PBX1: variants seen among roughly 807,000 people sequenced by gnomAD.
PBX1 encodes the protein pre-B-cell leukemia transcription factor 1.
A neutral mutation model predicts 53.4 loss-of-function variants in PBX1; 6 were observed. That is an observed-to-expected ratio of 0.11 (90% CI 0.06 to 0.22). PBX1 has a LOEUF of 0.22. Ranked by LOEUF, PBX1 falls within the 10% of genes least tolerant of loss-of-function variation. The pLI, the probability that PBX1 is intolerant of heterozygous loss-of-function variation, is 1.00. For missense variants in PBX1, 251 were observed against 551.4 expected (o/e 0.46, Z 5.46); for synonymous variants, 204 against 212.3 (o/e 0.96, Z 0.34).
In PBX1 at chr1:164,851,125, G is replaced by A. The variant is rs548221987; in HGVS notation, c.*4449G>A. ...TAAGAGGTTACGTTTACTTCACAGA[G>A]TACACCTCTTAGTAACCTCTGACTT... On this transcript the variant is annotated 3_prime_UTR_variant, in exon 9 of 9. Transcript: ENST00000420696. The A allele has an allele frequency of 5.6e-4, 123 of 220,818 alleles. No individual in the cohort carries two copies. The highest frequency in any genetic ancestry group is 9.9e-4 in the Non-Finnish European group (109 of 110,304). 13.7% of individuals were successfully genotyped at this position (220,818 alleles called of 1,614,324 possible).
chr1:164,596,819 A>T (rs565693145), intron 2 of PBX1, among the ~76,000 whole-genome samples: 1 of 152,078 alleles, frequency 6.6e-6, no homozygotes, highest in South Asian at 2.1e-4. Context: ...TTTTGTTTCC[A>T]CACTCATCTC....
chr1:164,869,969 G>A (rs759880522), intron 2 of PBX1, among the ~76,000 whole-genome samples: 255 of 152,158 alleles, frequency 1.7e-3, no homozygotes, highest in Non-Finnish European at 2.9e-3. Flanking sequence ...AGAGAGAACA[G>A]GAGGGAGAAC....
chr1:164,833,028 A>G (rs947962076), intron 8 of PBX1, among the ~76,000 whole-genome samples: 3 of 152,182 alleles, frequency 2.0e-5, no homozygotes, highest in African/African-American at 7.2e-5. Context: ...TAATAACTGT[A>G]TTAATAGCTA....
intron 2 of PBX1, among the ~76,000 whole-genome samples, chr1:164,730,245 G>T (rs1331808449): frequency 6.6e-6 from 1 of 152,162 alleles, no homozygotes; most frequent in African/African-American, 2.4e-5. Context: ...AGAGTTGGTG[G>T]CATTGTTGGG....
rs748103057 is a variant in PBX1, at chr1:164,792,754, T to A, written c.510+16T>A. 6.3e-7 allele frequency: 1 copy of A among 1,575,670 alleles called. No individual in the cohort carries two copies. Among genetic ancestry groups the A allele is most frequent in the Admixed American group, 1.7e-5 (1 of 57,534 alleles). On this transcript the variant is annotated intron_variant, in intron 3 of 8. Transcript: ENST00000420696. Reference sequence around the variant, plus strand: ...ATACGAGCAGGTAACCAGAACCACCTGGGGCTCGGCACCCAGGCCCTTTAG... The same window carrying A: ...ATACGAGCAGGTAACCAGAACCACCAGGGGCTCGGCACCCAGGCCCTTTAG...
At chr1:164,610,071 C>G (rs957094953) in intron 2 of PBX1, among the ~76,000 whole-genome samples, 2 of 152,162 alleles carry the variant, frequency 1.3e-5, no homozygotes, top group Admixed American at 1.3e-4. Flanking sequence ...ACCTTCCATG[C>G]CTGCGCGTCT....
intron 2 of PBX1, among the ~76,000 whole-genome samples, chr1:164,635,364 GCAGT>G (rs1163282089): frequency 6.6e-6 from 1 of 152,140 alleles, no homozygotes; most frequent in Non-Finnish European, 1.5e-5. Flanking sequence ...AACCACCAAA[GCAGT>G]CAAATGCAAA....
intron 2 of PBX1, among the ~76,000 whole-genome samples, chr1:164,571,437 A>C (rs1237784822): frequency 6.6e-6 from 1 of 152,156 alleles, no homozygotes. Context: ...AAATTGAATC[A>C]TAAAATATTT....
intron 2 of PBX1, among the ~76,000 whole-genome samples, chr1:164,611,460 G>A (rs1036037532): frequency 1.5e-4 from 23 of 152,002 alleles, no homozygotes; most frequent in African/African-American, 4.8e-4. Flanking sequence ...GGATGGTCTC[G>A]ATCTCCTGAC....
intron 2 of PBX1, among the ~76,000 whole-genome samples, chr1:164,755,843 T>A (rs1666484926): frequency 6.6e-6 from 1 of 151,912 alleles, no homozygotes; most frequent in Non-Finnish European, 1.5e-5. Context: ...CAGGGCGCCA[T>A]GTAACTCCCT....
chr1:164,858,906 CTTTT>C (rs1299616887), intron 2 of PBX1, among the ~76,000 whole-genome samples: 1 of 152,126 alleles, frequency 6.6e-6, no homozygotes, highest in South Asian at 2.1e-4. Context: ...TCTCCTAGTG[CTTTT>C]TTTCTAGGCT....
intron 2 of PBX1, among the ~76,000 whole-genome samples, chr1:164,715,469 T>A (rs1427110245): frequency 6.6e-6 from 1 of 152,196 alleles, no homozygotes; most frequent in African/African-American, 2.4e-5. Context: ...GGTGTATTCT[T>A]AGCTGCCCAA....
At chr1:164,852,086 C>CTACT (rs1294121432), downstream of PBX1, among the ~76,000 whole-genome samples, 1 of 152,158 alleles carries the variant, frequency 6.6e-6, no homozygotes, top group African/African-American at 2.4e-5. Context: ...TGTCTGCTTG[C>CTACT]TACTGGCAGC....
chr1:164,868,147 G>A (rs753767821), intron 2 of PBX1, among the ~76,000 whole-genome samples: 2 of 152,170 alleles, frequency 1.3e-5, no homozygotes, highest in East Asian at 1.9e-4. Context: ...ATTTCCATCC[G>A]TGCACAATAC....
chr1:164,639,081 C>T (rs1658963648), intron 2 of PBX1, among the ~76,000 whole-genome samples: 1 of 152,178 alleles, frequency 6.6e-6, no homozygotes, highest in Non-Finnish European at 1.5e-5. Flanking sequence ...TTTATGCAAG[C>T]TCTTGTTCAT....
intron 2 of PBX1, among the ~76,000 whole-genome samples, chr1:164,768,865 G>A (rs769908389): frequency 2.5e-4 from 38 of 152,156 alleles, no homozygotes; most frequent in Non-Finnish European, 5.3e-4. Flanking sequence ...CCCAGCCTGG[G>A]CGATATGGTG....
rs989859601 is a variant in PBX1, at chr1:164,671,681, T to A, written c.265+108370T>A. Among the ~76,000 whole-genome samples, 5 of 151,968 alleles carry A rather than the reference T, an allele frequency of 3.3e-5. No homozygotes were observed. In the South Asian group the frequency reaches 1.0e-3, roughly 32 times the overall value. On this transcript the variant is annotated intron_variant, in intron 2 of 8. Coordinates refer to ENST00000420696, the MANE Select transcript of PBX1 (RefSeq NM_002585.4). ...CTGGGAACATGTGTGTAAGGCTGAT[T>A]TTTTCTGGGGGGCAGGGAGTGGTAA...
chr1:164,722,477 C>T (rs1003480445), intron 2 of PBX1, among the ~76,000 whole-genome samples: 1 of 152,118 alleles, frequency 6.6e-6, no homozygotes, highest in African/African-American at 2.4e-5. Flanking sequence ...ATTGTTTTGC[C>T]ACAAAGTTAC....
chr1:164,807,907 G>A (rs550432904), intron 5 of PBX1, among the ~76,000 whole-genome samples: 2 of 152,314 alleles, frequency 1.3e-5, no homozygotes, highest in South Asian at 2.1e-4. Flanking sequence ...AATAAGTAGA[G>A]TACAATGTAA....
Sources: gnomAD v4.1 joint callset for allele counts (sites outside exome capture counted in the v4.1 genomes callset) on GRCh38, gnomAD v4.1.1 for gene constraint, MANE v1.5 for transcripts, NCBI Gene and HGNC (gene_info 2026-07-23, HGNC 2026-07-21) for gene names.